STK16: variants seen among roughly 807,000 people sequenced by gnomAD.
The protein encoded by STK16 is serine/threonine-protein kinase 16.
In STK16, 28 loss-of-function variants were observed where a neutral mutation model predicts 37.8. That is an observed-to-expected ratio of 0.74 (90% CI 0.55 to 1.02). The LOEUF is 1.02. Ranked by LOEUF, STK16 falls within the 50% of genes least tolerant of loss-of-function variation. The pLI, the probability that STK16 is intolerant of heterozygous loss-of-function variation, is 0.00. For synonymous variants in STK16, 134 were observed against 155.0 expected (o/e 0.86, Z 1.01); for missense variants, 349 against 390.6 (o/e 0.89, Z 0.90).
In STK16 at chr2:219,245,724, T is replaced by C; in HGVS notation, c.-177T>C. 3.7e-6 allele frequency: 1 copy of C among 268,632 alleles called. No homozygotes were observed. The highest frequency in any genetic ancestry group is 7.8e-5 in the East Asian group (1 of 12,818). The allele number at this position is 268,632 out of a possible 1,614,324, so 16.6% of individuals were successfully genotyped here. The stretch of plus-strand genomic sequence containing the variant: ...GTGGCCCGGTAGCCGCTGTGTGTCC[T>C]GAGGCCGTAAGGCGCCTGACCCCAC... On this transcript the variant is annotated 5_prime_UTR_variant, in exon 1 of 8. The change abolishes the stop of an existing upstream ORF in the 5' untranslated region. Transcript: ENST00000396738.
Position 219,246,632 on chromosome 2 carries a change from C to T in STK16, c.87-25C>T. 6.2e-7 allele frequency: 1 copy of T among 1,601,626 alleles called. No homozygotes were observed. Among genetic ancestry groups the T allele is most frequent in the Non-Finnish European group, 8.6e-7 (1 of 1,168,844 alleles). On this transcript the variant is annotated intron_variant, in intron 2 of 7. Coordinates refer to ENST00000396738, the MANE Select transcript of STK16 (RefSeq NM_001330213.2). The surrounding 1 kb of genome is among the most constrained non-coding windows in gnomAD (Gnocchi z 4.5). ...AGCCATGTGGGAGATGACCATGGCC[C>T]TTTATTGACCCCTTTGGCCCACAGT... is the stretch of plus-strand genomic sequence containing the variant.
intron 5 of STK16, 57 bp from the exon 6 acceptor site, chr2:219,247,605 T>G (rs1382134743): frequency 6.2e-7 from 1 of 1,614,180 alleles, no homozygotes; most frequent in Admixed American, 1.7e-5. Flanking sequence ...ATGTCCCAGT[T>G]TGGTCACATG....
At chr2:219,247,619 A>G in intron 5 of STK16, 43 bp from the exon 6 acceptor site, 1 of 1,613,950 alleles carries the variant, frequency 6.2e-7, no homozygotes, top group Non-Finnish European at 8.5e-7. Flanking sequence ...TCACATGACC[A>G]TGACCTGTGC....
chr2:219,247,071 G>T (rs377759026), intron 3 of STK16, 42 bp from the exon 4 acceptor site: 896 of 1,613,076 alleles, frequency 5.6e-4, no homozygotes, highest in Non-Finnish European at 7.4e-4. Flanking sequence ...AGGAGCAGAG[G>T]CTCCAAAAAC....
chr2:219,247,950 C>T (rs968070774), intron 6 of STK16, 193 bp downstream of exon 6: 4 of 815,248 alleles, frequency 4.9e-6, no homozygotes, highest in East Asian at 2.7e-5. Context: ...ATAATCTGTG[C>T]CCCTGAACAA....
Position 219,248,699 on chromosome 2 carries a change from T to A in STK16, c.*140T>A. 9.3e-7 allele frequency: 1 copy of A among 1,077,938 alleles called. No homozygotes were observed. Among genetic ancestry groups the A allele is most frequent in the African/African-American group, 1.6e-5 (1 of 61,774 alleles). 66.8% of individuals were successfully genotyped at this position (1,077,938 alleles called of 1,614,324 possible). On this transcript the variant is annotated 3_prime_UTR_variant, in exon 8 of 8. Coordinates refer to ENST00000396738, the MANE Select transcript of STK16 (RefSeq NM_001330213.2). ...TCAGGACAATCATCTCAGTCCTGCATCTTTTCTTCTGCTTTCTTCCCTCCA... is the reference window on the plus strand; with the variant it reads ...TCAGGACAATCATCTCAGTCCTGCAACTTTTCTTCTGCTTTCTTCCCTCCA...
rs751169442 is a variant in STK16 at position 219,246,572 on chromosome 2, A to AC, written c.87-81dup. On this transcript the variant is annotated intron_variant, in intron 2 of 7. Transcript: ENST00000396738. The surrounding 1 kb of genome is among the most constrained non-coding windows in gnomAD (Gnocchi z 4.5). ...AAGGTTTCTGCTAAATGGGAAGGACACCCCACTCCCCACCAGGAAATTTCT... is the reference window on the plus strand; with the variant it reads ...AAGGTTTCTGCTAAATGGGAAGGACACCCCCACTCCCCACCAGGAAATTTCT... 7 of 1,058,900 alleles carry AC rather than the reference A, an allele frequency of 6.6e-6. No homozygotes were observed. The Admixed American group carries it at 7.6e-5, about 12-fold the overall frequency. The allele number at this position is 1,058,900 out of a possible 1,614,324, so 65.6% of individuals were successfully genotyped here.
At chr2:219,247,641 G>C (rs1559272880) in intron 5 of STK16, 21 bp from the exon 6 acceptor site, 2 of 1,612,846 alleles carry the variant, frequency 1.2e-6, no homozygotes, top group African/African-American at 2.7e-5. Flanking sequence ...CCACTTTTGA[G>C]CTCTGGGATC....
chr2:219,248,111 G>T (rs1951577232), intron 6 of STK16, 82 bp from the exon 7 acceptor site: 1 of 1,573,632 alleles, frequency 6.4e-7, no homozygotes, highest in Non-Finnish European at 8.7e-7. Context: ...TTAGCTTATG[G>T]AGTCTCCTTT....
In STK16 at chr2:219,248,413, C is replaced by G. The variant is rs537293364; in HGVS notation, c.780-8C>G. On this transcript the variant is annotated splice_region_variant and splice_polypyrimidine_tract_variant and intron_variant, in intron 7 of 7. Coordinates refer to ENST00000396738, the MANE Select transcript of STK16 (RefSeq NM_001330213.2). ...TCATCCGGTCACCCTGGGCTCCTCC[C>G]TCCACAGGCATTCTTCAGCATTGCG... 81 of 1,613,390 alleles carry G rather than the reference C, an allele frequency of 5.0e-5. No individual in the cohort carries two copies. The highest frequency in any genetic ancestry group is 6.9e-5 in the Non-Finnish European group (81 of 1,179,568).
In STK16 at chr2:219,246,742, G is replaced by A; in HGVS notation, c.172G>A (p.Asp58Asn). 1 of 1,614,222 alleles carries A rather than the reference G, an allele frequency of 6.2e-7. No homozygotes were observed. Among genetic ancestry groups the A allele is most frequent in the Non-Finnish European group, 8.5e-7 (1 of 1,180,040 alleles). Residue 58 changes from aspartate (D) to asparagine (N), a missense_variant, in exon 3 of 8, where the codon GAC becomes AAC. Coordinates refer to ENST00000396738, the MANE Select transcript of STK16 (RefSeq NM_001330213.2). This position sits in a 1 kb window ranked among gnomAD's most constrained non-coding sequence, Gnocchi z 4.5. The part of the protein sequence containing the change: ...LKRILCHEQQ[D>N]REEAQREADM... Reference sequence around the variant, plus strand: ...GCGAATCCTGTGTCACGAGCAGCAGGACCGGGAGGAGGCCCAGCGAGAAGC... The same window carrying A: ...GCGAATCCTGTGTCACGAGCAGCAGAACCGGGAGGAGGCCCAGCGAGAAGC...
At position 219,246,657 on chromosome 2, in the gene STK16, T is replaced by C. The variant is rs1327706224; in HGVS notation, c.87T>C (p.Gly29=). 1 of 1,613,692 alleles carries C rather than the reference T, an allele frequency of 6.2e-7. No individual in the cohort carries two copies. The highest frequency in any genetic ancestry group is 8.5e-7 in the Non-Finnish European group (1 of 1,179,614). Reference sequence around the variant, plus strand: ...CTTTATTGACCCCTTTGGCCCACAGTGGGTTCAGCTATGTGGACCTAGTGG... The same window carrying C: ...CTTTATTGACCCCTTTGGCCCACAGCGGGTTCAGCTATGTGGACCTAGTGG... The part of the protein sequence containing the change: ...RYLFIQKLGE[G]GFSYVDLVEG... Residue 29 remains glycine, a splice_region_variant and synonymous_variant, in exon 3 of 8, where the codon GGT becomes GGC. Transcript: ENST00000396738. This position sits in a 1 kb window ranked among gnomAD's most constrained non-coding sequence, Gnocchi z 4.5.
chr2:219,247,875 C>A, intron 6 of STK16, 118 bp downstream of exon 6: 1 of 975,666 alleles, frequency 1.0e-6, no homozygotes, highest in Non-Finnish European at 1.6e-6. Context: ...AATATGTCCC[C>A]ATCCACTTCA....
chr2:219,248,693 C>A lies in STK16; in HGVS notation c.*134C>A, dbSNP rs146831665. The stretch of plus-strand genomic sequence containing the variant: ...GCGGGGTCAGGACAATCATCTCAGT[C>A]CTGCATCTTTTCTTCTGCTTTCTTC... On this transcript the variant is annotated 3_prime_UTR_variant, in exon 8 of 8. Transcript: ENST00000396738. 5 of 1,211,112 alleles carry A rather than the reference C, an allele frequency of 4.1e-6. No individual in the cohort carries two copies. Among genetic ancestry groups the A allele is most frequent in the Non-Finnish European group, 5.7e-6 (5 of 880,030 alleles). The allele number at this position is 1,211,112 out of a possible 1,614,324, so 75.0% of individuals were successfully genotyped here.
At chr2:219,247,361 G>A (rs562380956) in intron 4 of STK16, 54 bp from the exon 5 acceptor site, 1 of 1,609,730 alleles carries the variant, frequency 6.2e-7, no homozygotes, top group Non-Finnish European at 8.5e-7. Context: ...TGCTTGCTGG[G>A]ATTCCAGCCT....
chr2:219,246,760 C>A lies in STK16; in HGVS notation c.190C>A (p.Arg64=). 6.2e-7 allele frequency: 1 copy of A among 1,614,200 alleles called. No individual in the cohort carries two copies. Among genetic ancestry groups the A allele is most frequent in the Middle Eastern group, 1.6e-4 (1 of 6,062 alleles). The part of the protein sequence containing the change: ...HEQQDREEAQ[R]EADMHRLFNH... ...GCAGCAGGACCGGGAGGAGGCCCAG[C>A]GAGAAGCCGACATGCATCGCCTCTT... The change falls in exon 3 of 8, where the codon CGA becomes AGA. Residue 64 remains arginine (R), a synonymous_variant. Coordinates refer to ENST00000396738, the MANE Select transcript of STK16 (RefSeq NM_001330213.2). The surrounding 1 kb of genome is among the most constrained non-coding windows in gnomAD (Gnocchi z 4.5).
chr2:219,248,523 G>T lies in STK16; in HGVS notation c.882G>T (p.Gln294His). Residue 294 changes from glutamine (Q) to histidine (H), a missense_variant, in exon 8 of 8, where the codon CAG becomes CAT. Physicochemically the swap from Gln to His is conservative, Grantham distance 24 (BLOSUM62 0). Transcript: ENST00000396738. ...PLLLSQLEAL[Q>H]PPAPGQHTTQ... ...TCCTCAGTCAGCTGGAGGCGCTTCAGCCCCCAGCTCCTGGCCAACATACTA... is the reference window on the plus strand; with the variant it reads ...TCCTCAGTCAGCTGGAGGCGCTTCATCCCCCAGCTCCTGGCCAACATACTA... 6.2e-7 allele frequency: 1 copy of T among 1,613,820 alleles called. No individual in the cohort carries two copies. Among genetic ancestry groups the T allele is most frequent in the Non-Finnish European group, 8.5e-7 (1 of 1,179,828 alleles).
chr2:219,249,630 G>A lies in STK16; in HGVS notation c.*1071G>A, dbSNP rs1951611204. On this transcript the variant is annotated 3_prime_UTR_variant, in exon 8 of 8. Coordinates refer to ENST00000396738, the MANE Select transcript of STK16 (RefSeq NM_001330213.2). ...GCCTGGGGCTCCTGTTAGCAAAGTT[G>A]AAGCTTTCCCCAGGGCCCTAGCAGG... The A allele has an allele frequency of 2.0e-5, 3 of 152,292 alleles. No individual in the cohort carries two copies. Among genetic ancestry groups the A allele is most frequent in the African/African-American group, 7.2e-5 (3 of 41,442 alleles). 9.4% of individuals were successfully genotyped at this position (152,292 alleles called of 1,614,324 possible). A position where few individuals can be genotyped will look rare whatever the true frequency, so the allele number is the denominator to read the frequency against.
intron 6 of STK16, 99 bp downstream of exon 6, chr2:219,247,856 A>G: frequency 8.6e-7 from 1 of 1,165,216 alleles, no homozygotes; most frequent in South Asian, 1.3e-5. Context: ...ATGGGGCGCC[A>G]GGAACCACAA....
Sources: allele counts gnomAD v4.1 joint callset, GRCh38; gene constraint gnomAD v4.1.1; non-coding constraint Gnocchi (gnomAD v3.1); transcripts MANE v1.5; gene names NCBI Gene and HGNC (gene_info 2026-07-23, HGNC 2026-07-21).